LRRC4C: variants seen among roughly 807,000 people sequenced by gnomAD.
LRRC4C encodes the protein leucine-rich repeat-containing protein 4C.
LRRC4C carries 5 observed loss-of-function variants against 33.6 expected under a neutral mutation model. That is an observed-to-expected ratio of 0.15 (90% CI 0.08 to 0.31). The LOEUF is 0.31. LRRC4C is among the 10% of genes least tolerant of loss of function. LRRC4C has a pLI of 1.00. For missense variants in LRRC4C, 560 were observed against 796.7 expected (o/e 0.70, Z 3.58); for synonymous variants, 329 against 302.0 (o/e 1.09, Z -0.93).
chr11:41,297,605 G>T (rs1280581937), intron 1 of LRRC4C, among the ~76,000 whole-genome samples: 1 of 152,130 alleles, frequency 6.6e-6, no homozygotes, highest in African/African-American at 2.4e-5. Context: ...TGCCCTTGCT[G>T]AAGTATTTGT....
intron 4 of LRRC4C, among the ~76,000 whole-genome samples, chr11:40,296,286 A>AT (rs1333045448): frequency 6.6e-6 from 1 of 152,144 alleles, no homozygotes; most frequent in Non-Finnish European, 1.5e-5. Context: ...CATGGCTTTC[A>AT]TTTTTAGATT....
At chr11:41,349,128 T>C (rs537683722) in intron 1 of LRRC4C, among the ~76,000 whole-genome samples, 1 of 152,228 alleles carries the variant, frequency 6.6e-6, no homozygotes, top group Non-Finnish European at 1.5e-5. Context: ...CCCTGCCTGG[T>C]CACACATTCT....
intron 1 of LRRC4C, among the ~76,000 whole-genome samples, chr11:41,412,484 G>A (rs1391217730): frequency 1.3e-5 from 2 of 152,122 alleles, no homozygotes; most frequent in Non-Finnish European, 2.9e-5. Context: ...CTATATATTA[G>A]TACACTATTT....
chr11:41,243,091 A>G (rs1349826265), intron 1 of LRRC4C, among the ~76,000 whole-genome samples: 1 of 152,184 alleles, frequency 6.6e-6, no homozygotes, highest in African/African-American at 2.4e-5. Flanking sequence ...AGTTTATGTC[A>G]AATCCCTCTG....
intron 1 of LRRC4C, among the ~76,000 whole-genome samples, chr11:40,961,180 T>C (rs1373448208): frequency 6.6e-6 from 1 of 151,854 alleles, no homozygotes; most frequent in East Asian, 1.9e-4. Context: ...ATAGATCAGG[T>C]ATTAAATCCA....
At chr11:41,167,145 G>C (rs1944765760) in intron 1 of LRRC4C, among the ~76,000 whole-genome samples, 2 of 151,540 alleles carry the variant, frequency 1.3e-5, no homozygotes, top group African/African-American at 4.8e-5. Context: ...TTATTTTCTG[G>C]AAAAAAAATA....
In LRRC4C at chr11:40,936,486, G is replaced by A. The variant is rs560728211; in HGVS notation, c.-495-2763C>T. Among the ~76,000 whole-genome samples, 22 of 151,582 alleles carry A rather than the reference G, an allele frequency of 1.5e-4. No individual in the cohort carries two copies. In the South Asian group the frequency reaches 3.5e-3, roughly 24 times the overall value. ...CCGAGTACTGGGACTACAGGCGCCC[G>A]CCACCACAGCTGGCTAATTTTTTGT... is the stretch of plus-strand genomic sequence containing the variant. On this transcript the variant is annotated intron_variant, in intron 1 of 6. Coordinates refer to ENST00000528697, the MANE Select transcript of LRRC4C (RefSeq NM_001258419.2).
At chr11:40,232,454 A>C (rs1014754785) in intron 5 of LRRC4C, among the ~76,000 whole-genome samples, 4 of 152,240 alleles carry the variant, frequency 2.6e-5, no homozygotes, top group African/African-American at 9.6e-5. Flanking sequence ...TACTGCCAAT[A>C]AATTAAGAGA....
chr11:41,190,406 G>A (rs1035454887), intron 1 of LRRC4C, among the ~76,000 whole-genome samples: 1 of 152,132 alleles, frequency 6.6e-6, no homozygotes, highest in Non-Finnish European at 1.5e-5. Context: ...GAGAATCCAA[G>A]CATTTGCAGG....
intron 2 of LRRC4C, among the ~76,000 whole-genome samples, chr11:40,727,648 C>G (rs73473318): frequency 0.04 from 6,070 of 152,160 alleles, 401 homozygotes; most frequent in African/African-American, 0.14. Flanking sequence ...TATTCACAAA[C>G]TATGCATTCA....
At chr11:40,880,525 AGAAT>A (rs1955114189) in intron 2 of LRRC4C, among the ~76,000 whole-genome samples, 1 of 128,310 alleles carries the variant, frequency 7.8e-6, no homozygotes, top group Non-Finnish European at 1.6e-5. Flanking sequence ...ACCCCTCCAC[AGAAT>A]AAGATTTTTA....
chr11:40,984,756 A>G (rs1443364143), intron 1 of LRRC4C, among the ~76,000 whole-genome samples: 2 of 152,066 alleles, frequency 1.3e-5, no homozygotes, highest in African/African-American at 4.8e-5. Flanking sequence ...AGAATCATCA[A>G]CTTTCATGGA....
chr11:40,530,229 T>G (rs574022395), intron 3 of LRRC4C, among the ~76,000 whole-genome samples: 1 of 152,222 alleles, frequency 6.6e-6, no homozygotes, highest in African/African-American at 2.4e-5. Flanking sequence ...TAATAAAATA[T>G]AATTTAAATA....
chr11:41,385,622 G>T (rs1347455971), intron 1 of LRRC4C, among the ~76,000 whole-genome samples: 2 of 151,522 alleles, frequency 1.3e-5, no homozygotes, highest in African/African-American at 4.8e-5. Context: ...AATGCTACTT[G>T]GAGGGAACAT....
At chr11:41,344,888 A>G (rs1346854168) in intron 1 of LRRC4C, among the ~76,000 whole-genome samples, 1 of 152,142 alleles carries the variant, frequency 6.6e-6, no homozygotes, top group Non-Finnish European at 1.5e-5. Flanking sequence ...GGAGGGGAGG[A>G]ATATTTTAGA....
At chr11:41,210,372 T>C (rs555609946) in intron 1 of LRRC4C, among the ~76,000 whole-genome samples, 8 of 152,102 alleles carry the variant, frequency 5.3e-5, no homozygotes, top group Admixed American at 3.9e-4. Flanking sequence ...GATCTGATGG[T>C]TTTACAAGGG....
chr11:40,546,071 T>TACC, intron 3 of LRRC4C, among the ~76,000 whole-genome samples: 2 of 129,596 alleles, frequency 1.5e-5, no homozygotes, highest in African/African-American at 7.0e-5. Flanking sequence ...CCTTCCTTCC[T>TACC]TCCTTCCTTC....
rs71484114 is a variant in LRRC4C at position 40,696,041 on chromosome 11, A to G, written c.-406-47763T>C. Among the ~76,000 whole-genome samples, 1,052 of 143,932 alleles carry G rather than the reference A, an allele frequency of 7.3e-3. 16 individuals carry two copies. Among genetic ancestry groups the G allele is most frequent in the African/African-American group, 0.025 (960 of 37,752 alleles). The allele number at this position is 143,932 out of a possible 152,430, so 94.4% of individuals were successfully genotyped here. ...ATGTGGTGTGTGTGTGTATATATAT[A>G]TGTGTGTGTGTGTGTGTGTATATAT... On this transcript the variant is annotated intron_variant, in intron 2 of 6. Coordinates refer to ENST00000528697, the MANE Select transcript of LRRC4C (RefSeq NM_001258419.2).
rs149907034 is a variant in LRRC4C, at chr11:40,860,325, C to T, written c.-407+73310G>A. Among the ~76,000 whole-genome samples, 116 of 151,958 alleles carry T rather than the reference C, an allele frequency of 7.6e-4. 1 individual carries two copies. In the East Asian group the frequency reaches 0.019, roughly 25 times the overall value. ...GGCTGCCATCATAAATTACCACCAG[C>T]CGAGTAAGTTACACAATAAATATTT... is the stretch of plus-strand genomic sequence containing the variant. On this transcript the variant is annotated intron_variant, in intron 2 of 6. Transcript: ENST00000528697.
Sources: gnomAD v4.1 joint callset for allele counts (sites outside exome capture counted in the v4.1 genomes callset) on GRCh38, gnomAD v4.1.1 for gene constraint, MANE v1.5 for transcripts, NCBI Gene and HGNC (gene_info 2026-07-23, HGNC 2026-07-21) for gene names.